PPIP5K2: variants seen among roughly 807,000 people sequenced by gnomAD.
PPIP5K2 encodes the protein inositol hexakisphosphate and diphosphoinositol-pentakisphosphate kinase 2.
PPIP5K2 carries 105 observed loss-of-function variants against 154.6 expected under a neutral mutation model. That is an observed-to-expected ratio of 0.68 (90% CI 0.58 to 0.80). The LOEUF is 0.80. Ranked by LOEUF, PPIP5K2 falls within the 30% of genes least tolerant of loss-of-function variation. The pLI, the probability that PPIP5K2 is intolerant of heterozygous loss-of-function variation, is 0.00. For missense variants in PPIP5K2, 992 were observed against 1,504.6 expected (o/e 0.66, Z 5.64); for synonymous variants, 480 against 490.3 (o/e 0.98, Z 0.28).
intron 29 of PPIP5K2, 102 bp downstream of exon 29, chr5:103,191,084 T>TGAGTAG: frequency 9.0e-7 from 1 of 1,113,446 alleles, no homozygotes; most frequent in East Asian, 2.4e-5. Flanking sequence ...GTAGTGGTAA[T>TGAGTAG]GAGTAGGAGT....
intron 14 of PPIP5K2, among the ~76,000 whole-genome samples, chr5:103,157,100 G>T (rs2149599472): frequency 6.6e-6 from 1 of 152,212 alleles, no homozygotes; most frequent in Non-Finnish European, 1.5e-5. Context: ...AAAGCTCACA[G>T]AACCGCTAAC....
intron 10 of PPIP5K2, 150 bp from the exon 11 acceptor site, chr5:103,153,698 T>C: frequency 2.1e-6 from 1 of 465,850 alleles, no homozygotes; most frequent in Non-Finnish European, 3.8e-6. Flanking sequence ...AAGTTAAAAC[T>C]AGATTGTTAT....
At chr5:103,120,728 T>G (rs566090135) in intron 1 of PPIP5K2, 6 of 321,578 alleles carry the variant, frequency 1.9e-5, no homozygotes, top group South Asian at 1.5e-4. Context: ...TTTCATTTCT[T>G]GGGTTCGAGA....
Position 103,168,287 on chromosome 5 carries a change from ATCCCTCAGGTAAGTCATTC to A in PPIP5K2, c.2280_2286+12del. 6.3e-7 allele frequency: 1 copy of A among 1,591,736 alleles called. No homozygotes were observed. The highest frequency in any genetic ancestry group is 1.1e-5 in the South Asian group (1 of 89,536). On this transcript the variant is annotated splice_donor_variant and splice_donor_5th_base_variant and coding_sequence_variant and intron_variant, in exon 19 of 31. Transcript: ENST00000358359. LOFTEE classifies it high-confidence loss of function. ...TTCGAAGGCATTAGCAGATATTGTT[ATCCCTCAGGTAAGTCATTC>A]TTAAGAATCAATTTCTTATAATATT...
chr5:103,184,945 C>T (rs1490510681), intron 26 of PPIP5K2, among the ~76,000 whole-genome samples: 1 of 152,084 alleles, frequency 6.6e-6, no homozygotes, highest in African/African-American at 2.4e-5. Context: ...AATTTTGTTA[C>T]ATAACCCTTT....
rs1387837658 is a variant in PPIP5K2 at position 103,177,020 on chromosome 5, A to T, written c.2530-647A>T. The T allele has an allele frequency of 7.0e-6, 5 of 717,298 alleles. No homozygotes were observed. In the East Asian group the frequency reaches 1.5e-4, roughly 22 times the overall value. 44.4% of individuals were successfully genotyped at this position (717,298 alleles called of 1,614,324 possible). Reference sequence around the variant, plus strand: ...CTATATTGCATACATGAACTATATGATGGTGGGAAAAAATGGCATTCCTGT... The same window carrying T: ...CTATATTGCATACATGAACTATATGTTGGTGGGAAAAAATGGCATTCCTGT... On this transcript the variant is annotated intron_variant, in intron 21 of 30. Coordinates refer to ENST00000358359, the MANE Select transcript of PPIP5K2 (RefSeq NM_001276277.3).
intron 23 of PPIP5K2, among the ~76,000 whole-genome samples, chr5:103,179,097 G>A (rs1231170874): frequency 1.3e-5 from 2 of 151,902 alleles, no homozygotes; most frequent in African/African-American, 2.4e-5. Context: ...ATCTATGAAT[G>A]ATGAATAGAT....
Position 103,201,606 on chromosome 5 carries a change from A to G in PPIP5K2, c.3704A>G (p.His1235Arg), listed in dbSNP as rs1400950075. ...ACTAGCAAAACAGAAACGCATGAAC[A>G]CAAAAAAAACACTGGGAAAAAGAAA... ...NITSKTETHEHKKNTGKKK is the reference protein window; with the variant it reads ...NITSKTETHERKKNTGKKK Residue 1235 changes from histidine to arginine, a missense_variant, in exon 31 of 31, where the codon CAC becomes CGC. Physicochemically the swap from His to Arg is conservative, Grantham distance 29. Transcript: ENST00000358359. 1 of 1,605,236 alleles carries G rather than the reference A, an allele frequency of 6.2e-7. No individual in the cohort carries two copies. Among genetic ancestry groups the G allele is most frequent in the South Asian group, 1.1e-5 (1 of 89,570 alleles).
At position 103,155,835 on chromosome 5, in the gene PPIP5K2, T is replaced by C. The variant is rs114466760; in HGVS notation, c.1404-74T>C. 9,447 of 958,678 alleles carry C rather than the reference T, an allele frequency of 9.9e-3. 69 individuals carry two copies. The highest frequency in any genetic ancestry group is 0.014 in the Non-Finnish European group (8,509 of 605,468). The allele number at this position is 958,678 out of a possible 1,614,324, so 59.4% of individuals were successfully genotyped here. On this transcript the variant is annotated intron_variant, in intron 13 of 30. Transcript: ENST00000358359. ...GAAGAATTAAACAGGCGGTTACAAA[T>C]AAAAGGGAGCATGAATATGTGAGAA...
In PPIP5K2 at chr5:103,148,022, C is replaced by T. The variant is rs1794015966; in HGVS notation, c.734C>T (p.Thr245Ile). ...IYEEFMPTDG[T>I]DVKVYTVGPD... The stretch of plus-strand genomic sequence containing the variant: ...GAAGAGTTTATGCCCACAGATGGTA[C>T]TGATGTTAAGGTAGGATTGATTAAA... Residue 245 changes from threonine to isoleucine, a missense_variant, in exon 7 of 31, where the codon ACT becomes ATT. Thr to Ile is a moderately conservative substitution (Grantham distance 89). This residue lies in a region of PPIP5K2 where 51 missense variants were observed against 152.2 expected (regional missense o/e 0.33). Transcript: ENST00000358359. The T allele has an allele frequency of 6.4e-7, 1 of 1,573,942 alleles. No individual in the cohort carries two copies. The highest frequency in any genetic ancestry group is 1.7e-5 in the Admixed American group (1 of 57,180).
At chr5:103,141,119 G>A (rs1470196995) in intron 5 of PPIP5K2, among the ~76,000 whole-genome samples, 1 of 152,182 alleles carries the variant, frequency 6.6e-6, no homozygotes, top group African/African-American at 2.4e-5. Flanking sequence ...GGATCACGAG[G>A]TCAGGAGATC....
chr5:103,141,630 T>TA (rs2149509888), intron 5 of PPIP5K2, among the ~76,000 whole-genome samples: 1 of 152,282 alleles, frequency 6.6e-6, no homozygotes, highest in Admixed American at 6.5e-5. Flanking sequence ...ATTAGTTAGA[T>TA]ACAGAGTTTC....
At position 103,120,332 on chromosome 5, in the gene PPIP5K2, A is replaced by G. The variant is rs1403474453; in HGVS notation, c.-441A>G. The stretch of plus-strand genomic sequence containing the variant: ...GCCTGAGGTTCCCTTATGTGGCCCT[A>G]TAGCTGTTACTGAAGGAAGTAGCCT... On this transcript the variant is annotated 5_prime_UTR_variant, in exon 1 of 31. Coordinates refer to ENST00000358359, the MANE Select transcript of PPIP5K2 (RefSeq NM_001276277.3). 2 of 447,862 alleles carry G rather than the reference A, an allele frequency of 4.5e-6. No homozygotes were observed. The highest frequency in any genetic ancestry group is 2.0e-5 in the African/African-American group (1 of 49,942). The allele number at this position is 447,862 out of a possible 1,614,324, so 27.7% of individuals were successfully genotyped here. A position where few individuals can be genotyped will look rare whatever the true frequency, so the allele number is the denominator to read the frequency against.
chr5:103,152,178 A>G lies in PPIP5K2; in HGVS notation c.1029-470A>G, dbSNP rs782770422. On this transcript the variant is annotated intron_variant, in intron 9 of 30. Transcript: ENST00000358359. ...GAGTTTACTAAATTTTAGCATAAATAAATGCTAAATTTAAACAAAGCCAAA... is the reference window on the plus strand; with the variant it reads ...GAGTTTACTAAATTTTAGCATAAATGAATGCTAAATTTAAACAAAGCCAAA... Among the ~76,000 whole-genome samples, 69 of 152,104 alleles carry G rather than the reference A, an allele frequency of 4.5e-4. 1 individual carries two copies. The highest frequency in any genetic ancestry group is 1.4e-3 in the South Asian group (7 of 4,832).
At chr5:103,187,578 C>A (rs1800596396) in intron 28 of PPIP5K2, among the ~76,000 whole-genome samples, 1 of 152,064 alleles carries the variant, frequency 6.6e-6, no homozygotes, top group Non-Finnish European at 1.5e-5. Flanking sequence ...AATAATTTAA[C>A]ATTACTCATC....
At chr5:103,160,712 A>G (rs948953205) in intron 17 of PPIP5K2, among the ~76,000 whole-genome samples, 2 of 152,144 alleles carry the variant, frequency 1.3e-5, no homozygotes, top group Admixed American at 6.5e-5. Context: ...TGCAGGCTAT[A>G]GTTTGTTGAT....
chr5:103,132,537 CTT>C (rs1790805841), intron 2 of PPIP5K2, among the ~76,000 whole-genome samples: 1 of 151,532 alleles, frequency 6.6e-6, no homozygotes, highest in African/African-American at 2.4e-5. Flanking sequence ...CAGAGCGAGA[CTT>C]TGTCTCAAAA....
At chr5:103,168,437 A>G (rs1580311667) in intron 19 of PPIP5K2, 142 bp downstream of exon 19, 2 of 649,800 alleles carry the variant, frequency 3.1e-6, no homozygotes, top group East Asian at 5.7e-5. Flanking sequence ...TTATGAATTT[A>G]TATTTTAAGG....
chr5:103,148,143 T>C, intron 7 of PPIP5K2, 111 bp downstream of exon 7: 1 of 798,674 alleles, frequency 1.3e-6, no homozygotes, highest in South Asian at 1.5e-5. Flanking sequence ...TCTCTTTCTT[T>C]TTGATTAGGG....
Sources: gnomAD v4.1 joint callset for allele counts (sites outside exome capture counted in the v4.1 genomes callset) on GRCh38, gnomAD v4.1.1 for gene constraint, gnomAD v4.1.1 regional missense constraint, MANE v1.5 for transcripts, NCBI Gene and HGNC (gene_info 2026-07-23, HGNC 2026-07-21) for gene names.